The following SLC16A12 variants were observed in gnomAD, a reference collection of about 807,000 sequenced individuals.
SLC16A12 encodes the protein solute carrier family 16 member 12, also known as monocarboxylate transporter 12.
Under a neutral mutation model 42.4 loss-of-function variants are expected in SLC16A12, and 17 were observed. The ratio of observed to expected loss-of-function variants is 0.40; its 90% CI spans 0.27 to 0.60. The LOEUF is 0.60. Among genes scored for constraint, SLC16A12 ranks in the 20% least tolerant of loss-of-function variants. SLC16A12 has a pLI of 0.42. For synonymous variants in SLC16A12, 224 were observed against 229.4 expected (o/e 0.98, Z 0.21); for missense variants, 544 against 623.0 (o/e 0.87, Z 1.35).
intron 2 of SLC16A12, among the ~76,000 whole-genome samples, chr10:89,488,077 A>G (rs1415021541): frequency 6.7e-6 from 1 of 149,532 alleles, no homozygotes; most frequent in Non-Finnish European, 1.5e-5. Flanking sequence ...ATCTATATAT[A>G]CACATATATA....
chr10:89,504,524 C>T (rs557554189), intron 2 of SLC16A12, among the ~76,000 whole-genome samples: 18 of 152,224 alleles, frequency 1.2e-4, no homozygotes, highest in South Asian at 4.2e-4. Context: ...ATAGATTTTC[C>T]GCTTTTTCCA....
chr10:89,454,311 C>A (rs1395361166), intron 3 of SLC16A12, among the ~76,000 whole-genome samples: 2 of 151,914 alleles, frequency 1.3e-5, no homozygotes, highest in Non-Finnish European at 2.9e-5. Flanking sequence ...TCATATATAT[C>A]CCTCAAATTC....
intron 3 of SLC16A12, among the ~76,000 whole-genome samples, chr10:89,458,736 T>C (rs1564575424): frequency 6.6e-6 from 1 of 152,222 alleles, no homozygotes; most frequent in Non-Finnish European, 1.5e-5. Flanking sequence ...TATTAGTGAT[T>C]ACTCCTGACA....
rs1564599014 is a variant in SLC16A12 at position 89,523,643 on chromosome 10, C to CA, written c.-47+10857_-47+10858insT. Among the ~76,000 whole-genome samples the CA allele has an allele frequency of 8.0e-3, 1,221 of 151,942 alleles. 79 individuals carry two copies. The East Asian group carries it at 0.16, about 20-fold the overall frequency. ...CTCATTATATGTTGTGTCATCATTC[C>CA]TTCATTCATTCATTCATTCAACAAG... On this transcript the variant is annotated intron_variant, in intron 2 of 7. Coordinates refer to ENST00000371790, the MANE Select transcript of SLC16A12 (RefSeq NM_213606.4).
intron 7 of SLC16A12, among the ~76,000 whole-genome samples, chr10:89,434,926 G>A (rs1841754417): frequency 6.6e-6 from 1 of 152,222 alleles, no homozygotes; most frequent in Non-Finnish European, 1.5e-5. Flanking sequence ...AGGAGACTCT[G>A]ATGCAGGTGG....
chr10:89,470,401 C>G (rs1181571853), intron 2 of SLC16A12, among the ~76,000 whole-genome samples: 1 of 152,206 alleles, frequency 6.6e-6, no homozygotes, highest in Non-Finnish European at 1.5e-5. Flanking sequence ...AGAAGGAGGC[C>G]TGTGCTATTT....
chr10:89,552,213 C>T (rs192136965), intron 2 of SLC16A12, among the ~76,000 whole-genome samples: 37 of 152,252 alleles, frequency 2.4e-4, no homozygotes, highest in Middle Eastern at 3.4e-3. Context: ...GGATTACAGG[C>T]GTGAGCCACT....
At chr10:89,454,719 A>G (rs1170643961) in intron 3 of SLC16A12, among the ~76,000 whole-genome samples, 1 of 151,502 alleles carries the variant, frequency 6.6e-6, no homozygotes, top group Non-Finnish European at 1.5e-5. Context: ...ACCTTCCTCC[A>G]GGAAGGTTTC....
chr10:89,537,609 G>T (rs1308443418), upstream of SLC16A12, among the ~76,000 whole-genome samples: 1 of 152,202 alleles, frequency 6.6e-6, no homozygotes, highest in East Asian at 1.9e-4. Context: ...CCATGAGTGA[G>T]CCCTGACCTC....
intron 2 of SLC16A12, among the ~76,000 whole-genome samples, chr10:89,545,403 A>G (rs957149646): frequency 2.0e-5 from 3 of 152,176 alleles, no homozygotes; most frequent in Non-Finnish European, 4.4e-5. Context: ...CAAAAATCAC[A>G]AGCATTTCTT....
chr10:89,440,677 GT>G (rs145365173), intron 5 of SLC16A12, among the ~76,000 whole-genome samples: 4,644 of 152,238 alleles, frequency 0.031, 239 homozygotes, highest in African/African-American at 0.1. Context: ...ACAATAAAGG[GT>G]TTTTTAAAAT....
intron 2 of SLC16A12, among the ~76,000 whole-genome samples, chr10:89,506,164 G>C (rs1302229172): frequency 6.6e-6 from 1 of 152,164 alleles, no homozygotes; most frequent in Non-Finnish European, 1.5e-5. Flanking sequence ...AGACTTAAAC[G>C]TCCCTGCCTG....
At chr10:89,445,173 G>C (rs1841979667) in intron 3 of SLC16A12, among the ~76,000 whole-genome samples, 1 of 152,264 alleles carries the variant, frequency 6.6e-6, no homozygotes, top group South Asian at 2.1e-4. Context: ...ACAAAAGGGA[G>C]CAGAAACTTC....
chr10:89,501,152 A>C (rs1842987020), intron 2 of SLC16A12, among the ~76,000 whole-genome samples: 1 of 152,246 alleles, frequency 6.6e-6, no homozygotes, highest in Non-Finnish European at 1.5e-5. Flanking sequence ...GAGAAATCAT[A>C]GATGACACAA....
intron 1 of SLC16A12, among the ~76,000 whole-genome samples, 185 bp downstream of exon 1, chr10:89,535,257 T>A (rs1589734281): frequency 6.6e-6 from 1 of 151,864 alleles, no homozygotes. Context: ...ACAGGGCAAG[T>A]GAGCACGTGT....
chr10:89,454,301 T>C (rs1842146486), intron 3 of SLC16A12, among the ~76,000 whole-genome samples: 1 of 151,930 alleles, frequency 6.6e-6, no homozygotes, highest in Non-Finnish European at 1.5e-5. Context: ...AGTCACTATC[T>C]CATATATATC....
chr10:89,519,482 G>A (rs1245120236), intron 2 of SLC16A12, among the ~76,000 whole-genome samples: 2 of 152,084 alleles, frequency 1.3e-5, no homozygotes, highest in African/African-American at 2.4e-5. Context: ...GGATCCCAGC[G>A]TGAGAACCGG....
At chr10:89,538,870 A>AT (rs1235646727), upstream of SLC16A12, among the ~76,000 whole-genome samples, 2 of 152,054 alleles carry the variant, frequency 1.3e-5, no homozygotes, top group African/African-American at 4.8e-5. Context: ...TTCCTTGTAA[A>AT]TTCCAGTTTA....
intron 4 of SLC16A12, among the ~76,000 whole-genome samples, chr10:89,442,064 A>C (rs981850857): frequency 2.0e-5 from 3 of 152,212 alleles, no homozygotes; most frequent in African/African-American, 7.2e-5. Context: ...TTTCCTTCTA[A>C]GGAAAAATTC....
Sources: allele counts gnomAD v4.1 joint callset (sites outside exome capture counted in the v4.1 genomes callset), GRCh38; gene constraint gnomAD v4.1.1; transcripts MANE v1.5; gene names NCBI Gene and HGNC (gene_info 2026-07-23, HGNC 2026-07-21).